The following PGBD5 variants were observed in gnomAD, a reference collection of about 807,000 sequenced individuals.
PGBD5 encodes piggyBac transposable element-derived protein 5.
In PGBD5, 14 loss-of-function variants were observed where a neutral mutation model predicts 47.9. The observed-to-expected ratio is 0.29, with a 90% confidence interval of 0.19 to 0.46. The LOEUF (loss-of-function observed/expected upper bound fraction) is 0.46, where lower values mean the gene tolerates loss of function less well. Ranked by LOEUF, PGBD5 falls within the 20% of genes least tolerant of loss-of-function variation. The pLI is 1.00. For synonymous variants in PGBD5, 316 were observed against 306.3 expected (o/e 1.03, Z -0.33); for missense variants, 635 against 716.0 (o/e 0.89, Z 1.29).
At chr1:230,354,832 C>T (rs373855840) in intron 2 of PGBD5, among the ~76,000 whole-genome samples, 3 of 151,926 alleles carry the variant, frequency 2.0e-5, no homozygotes, top group South Asian at 2.1e-4. Flanking sequence ...GTAGGGGCAC[C>T]GAGTAGAAAA....
intron 1 of PGBD5, among the ~76,000 whole-genome samples, chr1:230,403,500 G>A (rs913296959): frequency 4.6e-5 from 7 of 152,170 alleles, no homozygotes; most frequent in Non-Finnish European, 8.8e-5. Context: ...TCAAGCTGGA[G>A]AGACCAGCAC....
At chr1:230,387,838 G>GT (rs1232505660) in intron 1 of PGBD5, among the ~76,000 whole-genome samples, 7 of 152,174 alleles carry the variant, frequency 4.6e-5, no homozygotes, top group Admixed American at 2.0e-4. Context: ...AGGTAAGGAG[G>GT]TATCGGCCAA....
In PGBD5 at chr1:230,333,008, T is replaced by C. The variant is rs1484406647; in HGVS notation, c.1109A>G (p.Lys370Arg). ...CAGTGGGAGGCCGGTGCAGTCACTC[T>C]TCCGCGCGCGGAGCAAGCCGCAGCA... ...IYCCGLLRAR[K>R]SDCTGLPLSM... Residue 370 changes from lysine to arginine, a missense_variant, in exon 5 of 7, where the codon AAG (lysine) becomes AGG (arginine). Lys to Arg is a conservative substitution (Grantham distance 26). Coordinates refer to ENST00000391860, the MANE Select transcript of PGBD5 (RefSeq NM_001258311.2). 9 of 1,609,164 alleles carry C rather than the reference T, an allele frequency of 5.6e-6. No individual in the cohort carries two copies.
chr1:230,421,261 G>A (rs919573776), intron 1 of PGBD5, among the ~76,000 whole-genome samples: 6 of 152,132 alleles, frequency 3.9e-5, no homozygotes, highest in African/African-American at 1.4e-4. Context: ...CCTGTTTGTG[G>A]TATCGATTAC....
chr1:230,379,321 C>T (rs1668058622), intron 1 of PGBD5, among the ~76,000 whole-genome samples: 1 of 152,192 alleles, frequency 6.6e-6, no homozygotes, highest in Admixed American at 6.5e-5. Flanking sequence ...CATCCACAAG[C>T]TCCACGTTCA....
chr1:230,360,723 T>TTA (rs1406423118), intron 1 of PGBD5, among the ~76,000 whole-genome samples: 1 of 152,170 alleles, frequency 6.6e-6, no homozygotes, highest in Non-Finnish European at 1.5e-5. Context: ...CCTCTTTTCT[T>TTA]TATAGATTAT....
chr1:230,368,806 A>G (rs1270440994), intron 1 of PGBD5, among the ~76,000 whole-genome samples: 1 of 152,036 alleles, frequency 6.6e-6, no homozygotes, highest in Non-Finnish European at 1.5e-5. Flanking sequence ...TGTGTATGTG[A>G]GTGAGCATGC....
chr1:230,404,761 C>G (rs987918050), intron 1 of PGBD5, among the ~76,000 whole-genome samples: 1 of 150,968 alleles, frequency 6.6e-6, no homozygotes, highest in Non-Finnish European at 1.5e-5. Context: ...GCAGAAATCC[C>G]GCCTCTACCA....
intron 3 of PGBD5, among the ~76,000 whole-genome samples, chr1:230,350,465 G>A (rs1228889654): frequency 6.6e-6 from 1 of 152,210 alleles, no homozygotes; most frequent in East Asian, 1.9e-4. Context: ...AATTTCACCA[G>A]CAGGCTGTTG....
At chr1:230,375,331 T>C (rs980197487) in intron 1 of PGBD5, among the ~76,000 whole-genome samples, 2 of 152,190 alleles carry the variant, frequency 1.3e-5, no homozygotes, top group Non-Finnish European at 2.9e-5. Context: ...AAAGCAGCTG[T>C]TGGCAAAACA....
Position 230,347,875 on chromosome 1 carries a change from T to G in PGBD5, c.894+3083A>C, listed in dbSNP as rs191883393. The stretch of plus-strand genomic sequence containing the variant: ...GATGTGCCATATAATAAACATTTAC[T>G]AAGCTCCCAGGTTTTCAGGACCCAG... On this transcript the variant is annotated intron_variant, in intron 3 of 6. Transcript: ENST00000391860. Among the ~76,000 whole-genome samples the G allele has an allele frequency of 2.1e-3, 317 of 152,286 alleles. 1 individual carries two copies. The highest frequency in any genetic ancestry group is 7.6e-3 in the African/African-American group (314 of 41,550).
chr1:230,357,798 A>T lies in PGBD5; in HGVS notation c.332-477T>A, dbSNP rs936075383. Among the ~76,000 whole-genome samples the T allele has an allele frequency of 2.6e-5, 4 of 152,196 alleles. No individual in the cohort carries two copies. The highest frequency in any genetic ancestry group is 5.9e-5 in the Non-Finnish European group (4 of 68,034). On this transcript the variant is annotated intron_variant, in intron 1 of 6. Coordinates refer to ENST00000391860, the MANE Select transcript of PGBD5 (RefSeq NM_001258311.2). The surrounding 1 kb of genome is among the most constrained non-coding windows in gnomAD (Gnocchi z 5.7). ...CACACACATAAATGTATATGTTTAA[A>T]TATATATATCATATAAATGTATACA...
chr1:230,369,090 A>T (rs1446301149), intron 1 of PGBD5, among the ~76,000 whole-genome samples: 1 of 152,238 alleles, frequency 6.6e-6, no homozygotes, highest in Non-Finnish European at 1.5e-5. Context: ...ACAGAATGAG[A>T]GTCTCGGGTG....
At position 230,316,028 on chromosome 1, in the gene PGBD5, A is replaced by G. The variant is rs1228464793; in HGVS notation, c.*7397T>C. The G allele has an allele frequency of 7.3e-6, 1 of 136,536 alleles. No homozygotes were observed. Among genetic ancestry groups the G allele is most frequent in the Non-Finnish European group, 1.6e-5 (1 of 64,270 alleles). 8.5% of individuals were successfully genotyped at this position (136,536 alleles called of 1,614,324 possible). A position where few individuals can be genotyped will look rare whatever the true frequency, so the allele number is the denominator to read the frequency against. ...TGTGTACACATATATGTATGTGTAT[A>G]CATACATAAGTATATGTGTACACAT... On this transcript the variant is annotated 3_prime_UTR_variant, in exon 7 of 7. Transcript: ENST00000391860.
At chr1:230,351,437 C>T (rs1667559326) in intron 2 of PGBD5, among the ~76,000 whole-genome samples, 1 of 152,136 alleles carries the variant, frequency 6.6e-6, no homozygotes, top group South Asian at 2.1e-4. Flanking sequence ...GGCATGGGTC[C>T]TGTGTCCTCT....
At chr1:230,404,793 C>T (rs938562900) in intron 1 of PGBD5, among the ~76,000 whole-genome samples, 4 of 151,078 alleles carry the variant, frequency 2.6e-5, no homozygotes, top group Middle Eastern at 3.2e-3. Context: ...ATTAGCTGGG[C>T]GTGGTGGAGT....
chr1:230,372,898 CTG>C (rs1667950754), intron 1 of PGBD5, among the ~76,000 whole-genome samples: 1 of 152,164 alleles, frequency 6.6e-6, no homozygotes, highest in Non-Finnish European at 1.5e-5. Flanking sequence ...CAGCCTTCCT[CTG>C]TGGTGCGTCC....
chr1:230,419,159 G>A (rs931931812), intron 1 of PGBD5, among the ~76,000 whole-genome samples: 3 of 151,966 alleles, frequency 2.0e-5, no homozygotes, highest in African/African-American at 7.3e-5. Context: ...AATCAACCCA[G>A]GTGCCCATCA....
chr1:230,372,826 C>T (rs1012754771), intron 1 of PGBD5, among the ~76,000 whole-genome samples: 1 of 152,172 alleles, frequency 6.6e-6, no homozygotes, highest in South Asian at 2.1e-4. Context: ...AACTGAGGTG[C>T]TGGGCAATGA....
Sources: allele counts gnomAD v4.1 joint callset (sites outside exome capture counted in the v4.1 genomes callset), GRCh38; gene constraint gnomAD v4.1.1; non-coding constraint Gnocchi (gnomAD v3.1); transcripts MANE v1.5; gene names NCBI Gene and HGNC (gene_info 2026-07-23, HGNC 2026-07-21).